TNNI3K: variants seen among roughly 807,000 people sequenced by gnomAD.
TNNI3K encodes the protein TNNI3 interacting kinase, also known as serine/threonine-protein kinase TNNI3K.
Under a neutral mutation model 114.5 loss-of-function variants are expected in TNNI3K, and 140 were observed. The ratio of observed to expected loss-of-function variants is 1.22; its 90% CI spans 1.07 to 1.41. The LOEUF (loss-of-function observed/expected upper bound fraction) is 1.41. TNNI3K is among the 40% of genes most tolerant of loss of function. The pLI is 0.00. For missense variants in TNNI3K, 1,125 were observed against 1,007.6 expected, an observed-to-expected ratio of 1.12 and a Z score of -1.58; for synonymous variants, 347 against 347.5, an observed-to-expected ratio of 1.00 and a Z score of 0.02.
At chr1:74,338,693 T>C (rs1868562) in intron 7 of TNNI3K, among the ~76,000 whole-genome samples, 151,855 of 152,260 alleles carry the variant, frequency 1, 75,728 homozygotes, top group Non-Finnish European at 1. Flanking sequence ...ATAAGGAATA[T>C]ACAAAGTATC....
chr1:74,473,574 AAAATTAAC>A (rs1668044218), intron 21 of TNNI3K, among the ~76,000 whole-genome samples: 1 of 151,638 alleles, frequency 6.6e-6, no homozygotes, highest in Non-Finnish European at 1.5e-5. Flanking sequence ...GTTAGGCCTC[AAAATTAAC>A]TTTTAGTAGA....
At chr1:74,344,167 T>A (rs898428267) in intron 9 of TNNI3K, among the ~76,000 whole-genome samples, 1 of 152,194 alleles carries the variant, frequency 6.6e-6, no homozygotes, top group Admixed American at 6.5e-5. Flanking sequence ...CTGTCAAATT[T>A]CACATACATT....
At chr1:74,301,429 A>G (rs2100322857) in intron 5 of TNNI3K, among the ~76,000 whole-genome samples, 1 of 152,212 alleles carries the variant, frequency 6.6e-6, no homozygotes, top group East Asian at 1.9e-4. Context: ...GGGTTGATAT[A>G]GGAAATTAAG....
At chr1:74,264,638 G>T (rs1655862234) in intron 4 of TNNI3K, among the ~76,000 whole-genome samples, 1 of 151,996 alleles carries the variant, frequency 6.6e-6, no homozygotes, top group South Asian at 2.1e-4. Context: ...TCAAAGTTCA[G>T]CTCCTTCTTG....
intron 21 of TNNI3K, chr1:74,483,144 C>T: frequency 1.8e-6 from 1 of 570,682 alleles, no homozygotes; most frequent in Admixed American, 2.9e-5. Context: ...ATGAAGTGTA[C>T]TCATTAAAGG....
chr1:74,502,529 A>G (rs1390007269), intron 23 of TNNI3K, among the ~76,000 whole-genome samples: 2 of 152,220 alleles, frequency 1.3e-5, no homozygotes, highest in East Asian at 3.8e-4. Context: ...TGGAGACTTA[A>G]CTTTGCCAAC....
intron 2 of TNNI3K, chr1:74,239,813 CTAAA>C (rs1234645638): frequency 2.6e-6 from 1 of 391,934 alleles, no homozygotes; most frequent in Non-Finnish European, 5.3e-6. Flanking sequence ...ACAGAAAGAG[CTAAA>C]TAGTTATCCT....
chr1:74,246,578 A>G (rs771652668), intron 2 of TNNI3K, among the ~76,000 whole-genome samples: 2 of 152,170 alleles, frequency 1.3e-5, no homozygotes, highest in Non-Finnish European at 2.9e-5. Context: ...TAAAACCACA[A>G]GAAAAAAAAA....
In TNNI3K at chr1:74,369,579, A is replaced by C; in HGVS notation, c.1661A>C (p.Gln554Pro). ...TCTCTGTTCTCCCTCCTTCATGAGC[A>C]GAAGAGGTATGGGTCTTTTGTTCTG... ...GGSLFSLLHEQKRILDLQSKL... is the reference protein window; with the variant it reads ...GGSLFSLLHEPKRILDLQSKL... The change falls in exon 16 of 25, where the codon CAG (glutamine) becomes CCG (proline). Residue 554 changes from glutamine (Q) to proline (P), a missense_variant. Physicochemically the swap from Gln to Pro is moderately conservative, Grantham distance 76 (BLOSUM62 -1). Transcript: ENST00000326637. 6.2e-7 allele frequency: 1 copy of C among 1,605,866 alleles called. No homozygotes were observed. Among genetic ancestry groups the C allele is most frequent in the Non-Finnish European group, 8.5e-7 (1 of 1,176,364 alleles).
chr1:74,511,018 G>A (rs1670186487), intron 23 of TNNI3K, among the ~76,000 whole-genome samples: 1 of 152,012 alleles, frequency 6.6e-6, no homozygotes, highest in Non-Finnish European at 1.5e-5. Context: ...CTCCCAAGTA[G>A]CTGGAATTAC....
At chr1:74,530,245 GA>G (rs1451176179) in intron 23 of TNNI3K, among the ~76,000 whole-genome samples, 5 of 152,126 alleles carry the variant, frequency 3.3e-5, no homozygotes, top group African/African-American at 1.2e-4. Context: ...AAAAGCCATG[GA>G]AAAAGGAAGA....
intron 7 of TNNI3K, 64 bp from the exon 8 acceptor site, chr1:74,342,778 C>A: frequency 6.3e-7 from 1 of 1,582,592 alleles, no homozygotes; most frequent in Non-Finnish European, 8.6e-7. Flanking sequence ...TGATACTATA[C>A]ATATGAAGGT....
intron 4 of TNNI3K, among the ~76,000 whole-genome samples, chr1:74,268,246 A>G (rs1656126892): frequency 6.6e-6 from 1 of 151,958 alleles, no homozygotes; most frequent in South Asian, 2.1e-4. Context: ...ACTACTCTGC[A>G]TTGAAATTTC....
chr1:74,322,317 T>C (rs952601068), intron 5 of TNNI3K, among the ~76,000 whole-genome samples: 5 of 152,318 alleles, frequency 3.3e-5, no homozygotes, highest in Middle Eastern at 3.4e-3. Context: ...TTTCCTACTT[T>C]GTAAGTTCAT....
chr1:74,483,710 T>C (rs1401676418), intron 21 of TNNI3K, among the ~76,000 whole-genome samples: 1 of 152,170 alleles, frequency 6.6e-6, no homozygotes, highest in East Asian at 1.9e-4. Context: ...TGCAACCCAA[T>C]TGGAGACTAA....
At chr1:74,514,486 A>G (rs1382323297) in intron 23 of TNNI3K, among the ~76,000 whole-genome samples, 1 of 152,240 alleles carries the variant, frequency 6.6e-6, no homozygotes, top group Non-Finnish European at 1.5e-5. Flanking sequence ...TATTCACTTA[A>G]GAAGAAAAGT....
chr1:74,253,463 G>A (rs1655075471), intron 4 of TNNI3K, among the ~76,000 whole-genome samples: 1 of 152,188 alleles, frequency 6.6e-6, no homozygotes, highest in Admixed American at 6.5e-5. Flanking sequence ...GGCATGGCGG[G>A]CTGCAGGTCC....
intron 5 of TNNI3K, among the ~76,000 whole-genome samples, chr1:74,307,650 A>G (rs938113471): frequency 1.3e-5 from 2 of 152,188 alleles, no homozygotes; most frequent in African/African-American, 4.8e-5. Flanking sequence ...AACAATTACT[A>G]CTAGACCTAA....
At position 74,470,555 on chromosome 1, in the gene TNNI3K, T is replaced by A. The variant is rs534292573; in HGVS notation, c.2121+7005T>A. ...CTATTTTGGTATGGAATTGAATTTG[T>A]CTTCATAAATGATAGGTTGTTCTTG... is the stretch of plus-strand genomic sequence containing the variant. On this transcript the variant is annotated intron_variant, in intron 21 of 24. Coordinates refer to ENST00000326637, the MANE Select transcript of TNNI3K (RefSeq NM_015978.3). 12 of 400,750 alleles carry A rather than the reference T, an allele frequency of 3.0e-5. No individual in the cohort carries two copies. In the Middle Eastern group the frequency reaches 1.2e-3, roughly 41 times the overall value. The allele number at this position is 400,750 out of a possible 1,614,324, so 24.8% of individuals were successfully genotyped here. A position where few individuals can be genotyped will look rare whatever the true frequency, so the allele number is the denominator to read the frequency against.
Sources: allele counts gnomAD v4.1 joint callset (sites outside exome capture counted in the v4.1 genomes callset), GRCh38; gene constraint gnomAD v4.1.1; transcripts MANE v1.5; gene names NCBI Gene and HGNC (gene_info 2026-07-23, HGNC 2026-07-21).